The following PDIA5 variants were observed in gnomAD, a reference collection of about 807,000 sequenced individuals.
PDIA5 encodes protein disulfide-isomerase A5.
PDIA5 carries 58 observed loss-of-function variants against 77.6 expected under a neutral mutation model. That is an observed-to-expected ratio of 0.75 (90% CI 0.61 to 0.93). The LOEUF is 0.93. PDIA5 is among the 40% of genes least tolerant of loss of function. The probability of loss-of-function intolerance (pLI) is 0.00; values close to 1 mark genes in which losing one functional copy is unlikely to be tolerated. For synonymous variants in PDIA5, 250 were observed against 252.1 expected, an observed-to-expected ratio of 0.99 and a Z score of 0.08; for missense variants, 630 against 647.7, an observed-to-expected ratio of 0.97 and a Z score of 0.30.
At chr3:123,100,700 T>C (rs1298028513) in intron 3 of PDIA5, among the ~76,000 whole-genome samples, 1 of 152,230 alleles carries the variant, frequency 6.6e-6, no homozygotes, top group East Asian at 1.9e-4. Context: ...ACATGCTTCT[T>C]GAGTTGCAAA....
intron 7 of PDIA5, 58 bp downstream of exon 7, chr3:123,111,062 A>C: frequency 1.6e-5 from 12 of 765,304 alleles, no homozygotes; most frequent in Non-Finnish European, 2.6e-5. Flanking sequence ...TGTGGGTGGG[A>C]GGCAGGTGGG....
At chr3:123,073,805 A>G (rs532734611) in intron 1 of PDIA5, among the ~76,000 whole-genome samples, 2 of 152,196 alleles carry the variant, frequency 1.3e-5, no homozygotes, top group Non-Finnish European at 2.9e-5. Context: ...AGAATCCTAC[A>G]GTTCCTCCAA....
intron 7 of PDIA5, among the ~76,000 whole-genome samples, chr3:123,112,582 T>C (rs1412377025): frequency 7.4e-6 from 1 of 135,618 alleles, no homozygotes; most frequent in African/African-American, 2.7e-5. Flanking sequence ...AGAGCCTTGC[T>C]CTGTTGCCCA....
intron 13 of PDIA5, among the ~76,000 whole-genome samples, chr3:123,149,119 C>G (rs769546311): frequency 4.6e-5 from 7 of 152,074 alleles, no homozygotes; most frequent in Non-Finnish European, 1.0e-4. Context: ...TAGTCACCAG[C>G]ACAGGAGAAG....
chr3:123,142,746 C>A (rs1204571137), intron 11 of PDIA5, among the ~76,000 whole-genome samples: 1 of 152,150 alleles, frequency 6.6e-6, no homozygotes, highest in Non-Finnish European at 1.5e-5. Flanking sequence ...CCCAGAGGAG[C>A]CCTTAGGAGC....
chr3:123,079,946 T>G (rs1413451144), intron 1 of PDIA5, among the ~76,000 whole-genome samples: 1 of 152,216 alleles, frequency 6.6e-6, no homozygotes, highest in Non-Finnish European at 1.5e-5. Context: ...AAAAATAAAT[T>G]ATGGTATAAA....
rs565422464 is a variant in PDIA5, at chr3:123,154,000, T to G, written c.1274-971T>G. 6.6e-5 allele frequency among the ~76,000 whole-genome samples: 10 copies of G among 152,272 alleles called. No individual in the cohort carries two copies. The East Asian group carries it at 7.8e-4, about 12-fold the overall frequency. ...AGCCCTTCTGTGCCCTGGACAGTTC[T>G]GTTCACCAGTGACTGGGAAAGGGCT... On this transcript the variant is annotated intron_variant, in intron 14 of 16. Coordinates refer to ENST00000316218, the MANE Select transcript of PDIA5 (RefSeq NM_006810.4).
chr3:123,084,827 G>T (rs185760096), intron 1 of PDIA5, among the ~76,000 whole-genome samples: 6 of 152,066 alleles, frequency 3.9e-5, no homozygotes, highest in African/African-American at 7.2e-5. Context: ...GTCTCTCCAC[G>T]CGGGCAGCCA....
intron 14 of PDIA5, among the ~76,000 whole-genome samples, chr3:123,152,158 T>G (rs1284416186): frequency 6.6e-6 from 1 of 150,630 alleles, no homozygotes; most frequent in African/African-American, 2.4e-5. Context: ...CCTTTCTGCC[T>G]TCCAGCCTGC....
At chr3:123,077,201 C>G (rs891065990) in intron 1 of PDIA5, among the ~76,000 whole-genome samples, 5 of 152,126 alleles carry the variant, frequency 3.3e-5, no homozygotes, top group Non-Finnish European at 7.4e-5. Context: ...TGCTGTGTGA[C>G]CTTCAGCAAA....
At chr3:123,158,971 G>T (rs775365599) in intron 15 of PDIA5, among the ~76,000 whole-genome samples, 13 of 152,216 alleles carry the variant, frequency 8.5e-5, no homozygotes, top group Non-Finnish European at 1.8e-4. Flanking sequence ...AACGCGCGTG[G>T]ATTCACCTTT....
chr3:123,067,250 T>A (rs966150143), intron 1 of PDIA5, 44 bp downstream of exon 1: 26 of 1,228,254 alleles, frequency 2.1e-5, no homozygotes, highest in Non-Finnish European at 2.7e-5. Context: ...AGCACGTGTG[T>A]CCCGCGTGCC....
At chr3:123,068,562 A>G (rs767577777) in intron 1 of PDIA5, among the ~76,000 whole-genome samples, 4 of 152,124 alleles carry the variant, frequency 2.6e-5, no homozygotes, top group Non-Finnish European at 5.9e-5. Flanking sequence ...TATCTCCTGA[A>G]ACGCCCCCCA....
At chr3:123,067,649 T>G in intron 1 of PDIA5, 1 of 158,202 alleles carries the variant, frequency 6.3e-6, no homozygotes, top group Non-Finnish European at 1.4e-5. Flanking sequence ...ACCTTGTTCT[T>G]GGCTTCGGCC....
intron 3 of PDIA5, among the ~76,000 whole-genome samples, chr3:123,100,948 T>C (rs1304515741): frequency 1.1e-4 from 16 of 152,126 alleles, no homozygotes; most frequent in Admixed American, 9.8e-4. Context: ...ATGACTCCAG[T>C]TGTGTAGTCA....
At chr3:123,073,244 G>C (rs1239636614) in intron 1 of PDIA5, among the ~76,000 whole-genome samples, 1 of 152,210 alleles carries the variant, frequency 6.6e-6, no homozygotes, top group African/African-American at 2.4e-5. Flanking sequence ...GAGAGGGATG[G>C]GTGGCTGGAC....
chr3:123,067,219 G>A lies in PDIA5; in HGVS notation c.42+13G>A, dbSNP rs1017364670. ...GCTGGCAATCTGGGTGAGACTGTGG[G>A]GCAGGGATCCGGGCCGGGCCAGCAC... On this transcript the variant is annotated intron_variant, in intron 1 of 16. Transcript: ENST00000316218. 1.6e-6 allele frequency: 2 copies of A among 1,245,174 alleles called. No individual in the cohort carries two copies. The highest frequency in any genetic ancestry group is 6.3e-5 in the East Asian group (2 of 31,742). The allele number at this position is 1,245,174 out of a possible 1,614,324, so 77.1% of individuals were successfully genotyped here. A position where few individuals can be genotyped will look rare whatever the true frequency, so the allele number is the denominator to read the frequency against.
intron 3 of PDIA5, among the ~76,000 whole-genome samples, chr3:123,094,932 T>G (rs2107925368): frequency 6.6e-6 from 1 of 152,252 alleles, no homozygotes; most frequent in South Asian, 2.1e-4. Flanking sequence ...GCCACCCTGC[T>G]TTTCCCTTTA....
intron 14 of PDIA5, among the ~76,000 whole-genome samples, chr3:123,153,027 A>C: frequency 6.7e-6 from 1 of 148,758 alleles, no homozygotes; most frequent in African/African-American, 2.5e-5. Flanking sequence ...CCCTCCTGAC[A>C]CCTCTTGGAA....
Sources: gnomAD v4.1 joint callset for allele counts (sites outside exome capture counted in the v4.1 genomes callset) on GRCh38, gnomAD v4.1.1 for gene constraint, MANE v1.5 for transcripts, NCBI Gene and HGNC (gene_info 2026-07-23, HGNC 2026-07-21) for gene names.